The following GC variants were observed in gnomAD, a reference collection of about 807,000 sequenced individuals.
The protein encoded by GC is GC vitamin D binding protein.
A neutral mutation model predicts 56.7 loss-of-function variants in GC; 43 were observed. The observed-to-expected ratio is 0.76, with a 90% CI of 0.59 to 0.98. The LOEUF (loss-of-function observed/expected upper bound fraction) is 0.98, where lower values mean the gene tolerates loss of function less well. Among genes scored for constraint, GC ranks in the 50% least tolerant of loss-of-function variants. The probability of loss-of-function intolerance (pLI) is 0.00; values close to 1 mark genes in which losing one functional copy is unlikely to be tolerated. For synonymous variants in GC, 216 were observed against 202.7 expected (o/e 1.07, Z -0.56); for missense variants, 529 against 545.9 (o/e 0.97, Z 0.31).
intron 1 of GC, among the ~76,000 whole-genome samples, chr4:71,794,467 A>T (rs548910620): frequency 6.6e-6 from 1 of 152,206 alleles, no homozygotes; most frequent in Non-Finnish European, 1.5e-5. Flanking sequence ...GTATTCTCTG[A>T]TGGTAGTTTG....
chr4:71,783,723 T>C (rs1742758676), intron 1 of GC, among the ~76,000 whole-genome samples: 1 of 151,848 alleles, frequency 6.6e-6, no homozygotes, highest in South Asian at 2.1e-4. Flanking sequence ...AATTGACAAA[T>C]TATATCATTC....
intron 11 of GC, among the ~76,000 whole-genome samples, chr4:71,746,877 A>G (rs1741392222): frequency 6.6e-6 from 1 of 151,666 alleles, no homozygotes; most frequent in South Asian, 2.1e-4. Flanking sequence ...ATTTGACCTC[A>G]GTATAGAGAT....
rs1185895497 is a variant in GC, at chr4:71,763,504, T to C, written c.607-2A>G. On this transcript the variant is annotated splice_acceptor_variant, in intron 5 of 12. Transcript: ENST00000273951. LOFTEE classifies it high-confidence loss of function. ...TGATAAATGTTTAAGCTGGAGTCTC[T>C]AGAAAACAAGTGAAAGAATCTCATT... 1.3e-6 allele frequency: 2 copies of C among 1,560,370 alleles called. No individual in the cohort carries two copies. Among genetic ancestry groups the C allele is most frequent in the South Asian group, 1.1e-5 (1 of 89,514 alleles).
upstream of GC, among the ~76,000 whole-genome samples, chr4:71,788,175 A>G (rs924986228): frequency 6.9e-6 from 1 of 144,434 alleles, no homozygotes; most frequent in Non-Finnish European, 1.6e-5. Flanking sequence ...AATGAAAGAC[A>G]TGCTAGAATT....
chr4:71,766,287 T>A (rs1742155661), intron 3 of GC, among the ~76,000 whole-genome samples: 1 of 152,196 alleles, frequency 6.6e-6, no homozygotes, highest in African/African-American at 2.4e-5. Context: ...AAATAGGGCC[T>A]GAAAATCTGT....
chr4:71,797,066 C>T (rs1314700636), intron 1 of GC, among the ~76,000 whole-genome samples: 3 of 152,134 alleles, frequency 2.0e-5, no homozygotes, highest in Non-Finnish European at 4.4e-5. Flanking sequence ...AAGCTTTGTC[C>T]CAGAGGGGCA....
intron 1 of GC, among the ~76,000 whole-genome samples, chr4:71,777,362 TAGTA>T (rs1176286641): frequency 3.3e-5 from 5 of 151,698 alleles, no homozygotes; most frequent in Non-Finnish European, 5.9e-5. Flanking sequence ...TCATTTGTCT[TAGTA>T]AGGCTAAAGA....
intron 1 of GC, among the ~76,000 whole-genome samples, chr4:71,774,492 T>C (rs544304371): frequency 7.6e-6 from 1 of 132,232 alleles, no homozygotes; most frequent in East Asian, 2.0e-4. Context: ...ATTGCTTTTG[T>C]AGGGGTAAAG....
rs1396786031 is a variant in GC at position 71,769,414 on chromosome 4, A to G, written c.59-14T>C. On this transcript the variant is annotated splice_polypyrimidine_tract_variant and intron_variant, in intron 1 of 12. Coordinates refer to ENST00000273951, the MANE Select transcript of GC (RefSeq NM_000583.4). ...CATAATCCCGGCCTAGGAGGCAGAA[A>G]TAGAAAAATTTGTATGTGTCCCCTT... The G allele has an allele frequency of 6.3e-7, 1 of 1,593,826 alleles. No individual in the cohort carries two copies. The highest frequency in any genetic ancestry group is 1.1e-5 in the South Asian group (1 of 90,328).
intron 1 of GC, among the ~76,000 whole-genome samples, chr4:71,770,856 A>G (rs1578304048): frequency 1.3e-5 from 2 of 152,184 alleles, no homozygotes; most frequent in African/African-American, 4.8e-5. Flanking sequence ...GGTATTTGAG[A>G]GGGAACAGAA....
chr4:71,804,616 A>G (rs1743321072), upstream of GC, among the ~76,000 whole-genome samples: 1 of 151,970 alleles, frequency 6.6e-6, no homozygotes, highest in Admixed American at 6.6e-5. Flanking sequence ...GGTTATATGG[A>G]AGTTATCTGC....
At chr4:71,741,960 A>T in intron 12 of GC, 90 bp from the exon 13 acceptor site, 2 of 698,264 alleles carry the variant, frequency 2.9e-6, no homozygotes, top group South Asian at 3.0e-5. Context: ...ATATAAACTC[A>T]TGCTATTTTA....
intron 4 of GC, among the ~76,000 whole-genome samples, chr4:71,764,691 C>G (rs1401169937): frequency 6.6e-6 from 1 of 152,032 alleles, no homozygotes. Flanking sequence ...CCTTATGGAT[C>G]TAAAAGGGAC....
intron 1 of GC, among the ~76,000 whole-genome samples, chr4:71,779,329 AG>A: frequency 6.6e-6 from 1 of 152,002 alleles, no homozygotes; most frequent in African/African-American, 2.4e-5. Context: ...AGGGGATAGA[AG>A]ATAATGGACT....
At chr4:71,778,220 TG>T (rs1742570741) in intron 1 of GC, among the ~76,000 whole-genome samples, 1 of 151,776 alleles carries the variant, frequency 6.6e-6, no homozygotes, top group African/African-American at 2.4e-5. Context: ...ATTTGTTAAA[TG>T]TAAACATATT....
intron 1 of GC, among the ~76,000 whole-genome samples, chr4:71,772,402 A>G (rs1418715751): frequency 6.6e-6 from 1 of 152,160 alleles, no homozygotes. Context: ...ACCCCCGATG[A>G]ACATTTTGAG....
At position 71,758,249 on chromosome 4, in the gene GC, A is replaced by G. The variant is rs1741851353; in HGVS notation, c.702-78T>C. 3.1e-6 allele frequency: 4 copies of G among 1,276,044 alleles called. No individual in the cohort carries two copies. The East Asian group carries it at 7.0e-5, about 22-fold the overall frequency. 79.0% of individuals were successfully genotyped at this position (1,276,044 alleles called of 1,614,324 possible). On this transcript the variant is annotated intron_variant, in intron 6 of 12. Coordinates refer to ENST00000273951, the MANE Select transcript of GC (RefSeq NM_000583.4). ...GTTTCGTGATGAACGCACTATTTGG[A>G]GAAATAATATCACAATTTCACCTCC...
At chr4:71,796,436 TCTTCCATTTGATCGA>T (rs1743108473) in intron 1 of GC, among the ~76,000 whole-genome samples, 1 of 152,238 alleles carries the variant, frequency 6.6e-6, no homozygotes, top group South Asian at 2.1e-4. Flanking sequence ...TGATATCCTT[TCTTCCATTTGATCGA>T]ATCAGCCACT....
At chr4:71,757,004 C>T in intron 7 of GC, 90 bp from the exon 8 acceptor site, 2 of 879,628 alleles carry the variant, frequency 2.3e-6, no homozygotes, top group Admixed American at 4.1e-5. Flanking sequence ...GCTTTGGCAT[C>T]ACATTTATGA....
Sources: allele counts gnomAD v4.1 joint callset (sites outside exome capture counted in the v4.1 genomes callset), GRCh38; gene constraint gnomAD v4.1.1; transcripts MANE v1.5; gene names NCBI Gene and HGNC (gene_info 2026-07-23, HGNC 2026-07-21).